CRYL1: variants seen among roughly 807,000 people sequenced by gnomAD.
CRYL1 encodes the protein crystallin lambda 1, also known as lambda-crystallin homolog.
In CRYL1, 29 loss-of-function variants were observed where a neutral mutation model predicts 36.6. The ratio of observed to expected loss-of-function variants is 0.79; its 90% CI spans 0.59 to 1.08. The LOEUF (loss-of-function observed/expected upper bound fraction) is 1.08, where lower values mean the gene tolerates loss of function less well. CRYL1 is among the 50% of genes least tolerant of loss of function. The pLI is 0.00. For missense variants in CRYL1, 411 were observed against 407.9 expected, an observed-to-expected ratio of 1.01 and a Z score of -0.06; for synonymous variants, 152 against 151.5, an observed-to-expected ratio of 1.00 and a Z score of -0.02.
chr13:20,477,255 G>A (rs1565977401), intron 3 of CRYL1, among the ~76,000 whole-genome samples: 1 of 152,144 alleles, frequency 6.6e-6, no homozygotes, highest in African/African-American at 2.4e-5. Context: ...TTGAGCCCAG[G>A]AGTTCAAGAC....
Position 20,403,874 on chromosome 13 carries a change from C to A in CRYL1, c.*255G>T. The A allele has an allele frequency of 3.0e-6, 1 of 335,096 alleles. No homozygotes were observed. Among genetic ancestry groups the A allele is most frequent in the Non-Finnish European group, 5.4e-6 (1 of 185,608 alleles). The allele number at this position is 335,096 out of a possible 1,614,324, so 20.8% of individuals were successfully genotyped here. On this transcript the variant is annotated 3_prime_UTR_variant, in exon 8 of 8. Transcript: ENST00000298248. ...AGCTGAAAAGAAAAGGTGAAAATCT[C>A]CAGGTTATCTGCCCAGGTGGCAGGA...
At position 20,404,759 on chromosome 13, in the gene CRYL1, C is replaced by G. The variant is rs1410476889; in HGVS notation, c.740-18G>C. 1 of 1,475,498 alleles carries G rather than the reference C, an allele frequency of 6.8e-7. No individual in the cohort carries two copies. The highest frequency in any genetic ancestry group is 9.5e-7 in the Non-Finnish European group (1 of 1,058,136). 91.4% of individuals were successfully genotyped at this position (1,475,498 alleles called of 1,614,324 possible). ...TAACATACCTGGAATTGTATGAAGA[C>G]AAGAATCCACAATCTCAGAAAAAAA... On this transcript the variant is annotated intron_variant, in intron 6 of 7. Transcript: ENST00000298248.
At chr13:20,483,237 T>TA (rs2033313982) in intron 3 of CRYL1, among the ~76,000 whole-genome samples, 1 of 152,184 alleles carries the variant, frequency 6.6e-6, no homozygotes, top group African/African-American at 2.4e-5. Flanking sequence ...GATATCCTAA[T>TA]ACACCGGGAT....
chr13:20,484,412 T>C (rs552554341), intron 3 of CRYL1, among the ~76,000 whole-genome samples: 2 of 152,296 alleles, frequency 1.3e-5, no homozygotes, highest in Admixed American at 6.5e-5. Flanking sequence ...CATCAAATGG[T>C]GACTATCACA....
At chr13:20,510,350 G>A (rs1182974021) in intron 2 of CRYL1, among the ~76,000 whole-genome samples, 1 of 152,146 alleles carries the variant, frequency 6.6e-6, no homozygotes, top group Non-Finnish European at 1.5e-5. Context: ...AAGACATGGA[G>A]GAAACTTAAA....
intron 3 of CRYL1, among the ~76,000 whole-genome samples, chr13:20,445,031 C>G (rs767797230): frequency 6.6e-6 from 1 of 152,060 alleles, no homozygotes; most frequent in East Asian, 1.9e-4. Flanking sequence ...TTATTTTTAA[C>G]AAAGTGCTGG....
rs543137784 is a variant in CRYL1, at chr13:20,484,789, A to C, written c.276+4581T>G. On this transcript the variant is annotated intron_variant, in intron 3 of 7. Coordinates refer to ENST00000298248, the MANE Select transcript of CRYL1 (RefSeq NM_015974.3). Reference sequence around the variant, plus strand: ...AAGTGGAAACATATAAATACACAAAAATCTTCAGTATTTTTGGAATAATGA... The same window carrying C: ...AAGTGGAAACATATAAATACACAAACATCTTCAGTATTTTTGGAATAATGA... Among the ~76,000 whole-genome samples the C allele has an allele frequency of 1.4e-4, 22 of 152,334 alleles. No individual in the cohort carries two copies. The South Asian group carries it at 4.6e-3, about 32-fold the overall frequency.
chr13:20,439,397 A>G (rs1444409164), intron 4 of CRYL1, among the ~76,000 whole-genome samples, 196 bp downstream of exon 4: 1 of 152,024 alleles, frequency 6.6e-6, no homozygotes, highest in Non-Finnish European at 1.5e-5. Flanking sequence ...TCTGAATACA[A>G]TAAGAACCAC....
chr13:20,460,608 C>T (rs1463109962), intron 3 of CRYL1, among the ~76,000 whole-genome samples: 1 of 148,678 alleles, frequency 6.7e-6, no homozygotes, highest in Non-Finnish European at 1.5e-5. Flanking sequence ...TCACTGCAAG[C>T]TCCGCCACCC....
At chr13:20,427,496 G>T (rs1202749890) in intron 5 of CRYL1, among the ~76,000 whole-genome samples, 2 of 152,082 alleles carry the variant, frequency 1.3e-5, no homozygotes, top group Non-Finnish European at 2.9e-5. Context: ...ACAAAGACAA[G>T]AAAAGAAAAT....
In CRYL1 at chr13:20,416,336, T is replaced by C. The variant is rs117532232; in HGVS notation, c.634-2949A>G. On this transcript the variant is annotated intron_variant, in intron 5 of 7. Transcript: ENST00000298248. Reference sequence around the variant, plus strand: ...TAACGGGTCGGGGCATCACGGGGGCTGGGGGATATCTACCTAAGGCCCACA... The same window carrying C: ...TAACGGGTCGGGGCATCACGGGGGCCGGGGGATATCTACCTAAGGCCCACA... Among the ~76,000 whole-genome samples, 747 of 152,286 alleles carry C rather than the reference T, an allele frequency of 4.9e-3. 11 individuals carry two copies. The East Asian group carries it at 0.072, about 15-fold the overall frequency.
intron 3 of CRYL1, among the ~76,000 whole-genome samples, chr13:20,471,791 T>TTTTC (rs145460379): frequency 2.0e-5 from 3 of 151,900 alleles, no homozygotes; most frequent in Non-Finnish European, 4.4e-5. Flanking sequence ...TCCCTGATTT[T>TTTTC]TTTCTTTCTT....
At position 20,428,590 on chromosome 13, in the gene CRYL1, C is replaced by T. The variant is rs373575515; in HGVS notation, c.633+3512G>A. ...CATGCAAAAGTCAATCCATGGGATC[C>T]CTTGTTATCACCACTTAGTGAGTGG... is the stretch of plus-strand genomic sequence containing the variant. On this transcript the variant is annotated intron_variant, in intron 5 of 7. Transcript: ENST00000298248. Among the ~76,000 whole-genome samples, 13 of 152,284 alleles carry T rather than the reference C, an allele frequency of 8.5e-5. No individual in the cohort carries two copies. The South Asian group carries it at 2.7e-3, about 32-fold the overall frequency.
At chr13:20,412,771 C>T (rs2031556980) in intron 6 of CRYL1, among the ~76,000 whole-genome samples, 1 of 152,172 alleles carries the variant, frequency 6.6e-6, no homozygotes, top group South Asian at 2.1e-4. Flanking sequence ...AATGTCTGGT[C>T]TGCCCCACCC....
chr13:20,403,986 C>G lies in CRYL1; in HGVS notation c.*143G>C. 1.6e-6 allele frequency: 1 copy of G among 631,134 alleles called. No homozygotes were observed. Among genetic ancestry groups the G allele is most frequent in the Admixed American group, 2.6e-5 (1 of 37,948 alleles). The allele number at this position is 631,134 out of a possible 1,614,324, so 39.1% of individuals were successfully genotyped here. A position where few individuals can be genotyped will look rare whatever the true frequency, so the allele number is the denominator to read the frequency against. On this transcript the variant is annotated 3_prime_UTR_variant, in exon 8 of 8. Transcript: ENST00000298248. The stretch of plus-strand genomic sequence containing the variant: ...GTGACGGGCAGACTACCGGCCTGCA[C>G]CACCCCACTCAGGCTGCACACAAGA...
At chr13:20,486,902 G>T (rs540456301) in intron 3 of CRYL1, among the ~76,000 whole-genome samples, 17 of 152,272 alleles carry the variant, frequency 1.1e-4, no homozygotes, top group Admixed American at 2.0e-4. Flanking sequence ...TGTGTGCCAA[G>T]TACTATGTAA....
chr13:20,456,623 CACACACACACACACA>C (rs149544320), intron 3 of CRYL1, among the ~76,000 whole-genome samples: 51,083 of 95,706 alleles, frequency 0.53, 9,536 homozygotes, highest in East Asian at 0.64. Flanking sequence ...CACACACACA[CACACACACACACACA>C]AAGACCACGA....
chr13:20,484,154 G>A (rs1276222846), intron 3 of CRYL1, among the ~76,000 whole-genome samples: 1 of 152,150 alleles, frequency 6.6e-6, no homozygotes, highest in Non-Finnish European at 1.5e-5. Context: ...AAAGAAAACT[G>A]TCTCCAAGTA....
chr13:20,467,246 C>G (rs1296768522), intron 3 of CRYL1, among the ~76,000 whole-genome samples: 2 of 152,076 alleles, frequency 1.3e-5, no homozygotes, highest in Non-Finnish European at 2.9e-5. Flanking sequence ...CACCCCCGGC[C>G]CATACAGTAT....
Sources: gnomAD v4.1 joint callset for allele counts (sites outside exome capture counted in the v4.1 genomes callset) on GRCh38, gnomAD v4.1.1 for gene constraint, MANE v1.5 for transcripts, NCBI Gene and HGNC (gene_info 2026-07-23, HGNC 2026-07-21) for gene names.